Variants in KIAA1755 observed in about 807,000 individuals in gnomAD.
The protein encoded by KIAA1755 is KIAA1755.
KIAA1755 carries 68 observed loss-of-function variants against 91.7 expected under a neutral mutation model. That is an observed-to-expected ratio of 0.74 (90% CI 0.61 to 0.91). The LOEUF (loss-of-function observed/expected upper bound fraction) is 0.91. Among genes scored for constraint, KIAA1755 ranks in the 40% least tolerant of loss-of-function variants. The pLI, the probability that KIAA1755 is intolerant of heterozygous loss-of-function variation, is 0.00. For synonymous variants in KIAA1755, 610 were observed against 604.6 expected (o/e 1.01, Z -0.13); for missense variants, 1,535 against 1,494.4 (o/e 1.03, Z -0.45).
intron 4 of KIAA1755, among the ~76,000 whole-genome samples, chr20:38,238,058 T>C (rs569047753): frequency 6.6e-6 from 1 of 152,174 alleles, no homozygotes; most frequent in South Asian, 2.1e-4. Context: ...TATCTGTCTA[T>C]TCTCCTCCTC....
chr20:38,258,625 C>T (rs973419323), intron 1 of KIAA1755, among the ~76,000 whole-genome samples: 10 of 152,002 alleles, frequency 6.6e-5, no homozygotes, highest in East Asian at 3.9e-4. Context: ...GAAGATTTAC[C>T]GGGTAAATAA....
rs574598676 is a variant in KIAA1755 at position 38,241,550 on chromosome 20, A to T, written c.581T>A (p.Val194Glu). 6.2e-7 allele frequency: 1 copy of T among 1,614,174 alleles called. No individual in the cohort carries two copies. Among genetic ancestry groups the T allele is most frequent in the African/African-American group, 1.3e-5 (1 of 75,036 alleles). ...PEFVDDRPQVVNALCQAWGPL... is the reference protein window; with the variant it reads ...PEFVDDRPQVENALCQAWGPL... ...CCCCCAGGCTTGGCAGAGGGCATTCACTACTTGGGGTCTGTCATCCACAAA... is the reference window on the plus strand; with the variant it reads ...CCCCCAGGCTTGGCAGAGGGCATTCTCTACTTGGGGTCTGTCATCCACAAA... The change falls in exon 3 of 14, where the codon GTG becomes GAG. Residue 194 changes from valine to glutamate, a missense_variant. Physicochemically the swap from Val to Glu is moderately radical, Grantham distance 121. Transcript: ENST00000279024.
In KIAA1755 at chr20:38,245,405, G is replaced by A. The variant is rs117552268; in HGVS notation, c.201+524C>T. Among the ~76,000 whole-genome samples the A allele has an allele frequency of 5.3e-3, 801 of 152,336 alleles. 12 individuals are homozygous for A. In the East Asian group the frequency reaches 0.061, roughly 12 times the overall value. On this transcript the variant is annotated intron_variant, in intron 2 of 13. Transcript: ENST00000279024. ...GGCCTGATCCACCCTTCCCTGGTTTGAGTGAGGATTCTGTCATTTGCAGCC... is the reference window on the plus strand; with the variant it reads ...GGCCTGATCCACCCTTCCCTGGTTTAAGTGAGGATTCTGTCATTTGCAGCC...
intron 4 of KIAA1755, 39 bp from the exon 5 acceptor site, chr20:38,231,364 T>C (rs1287664044): frequency 6.4e-7 from 1 of 1,569,596 alleles, no homozygotes; most frequent in Admixed American, 1.9e-5. Flanking sequence ...TGAGAACTTG[T>C]GGGGGGCCCT....
Position 38,213,003 on chromosome 20 carries a change from G to C in KIAA1755, c.*39C>G. On this transcript the variant is annotated 3_prime_UTR_variant, in exon 14 of 14. Coordinates refer to ENST00000279024, the MANE Select transcript of KIAA1755 (RefSeq NM_001029864.2). ...ACCCCTCCAGCTGGGCCCTGGCCCAGTGCTCCTGGAGGCTGGTGCGACTGA... is the reference window on the plus strand; with the variant it reads ...ACCCCTCCAGCTGGGCCCTGGCCCACTGCTCCTGGAGGCTGGTGCGACTGA... The C allele has an allele frequency of 6.7e-7, 1 of 1,490,948 alleles. No homozygotes were observed. The highest frequency in any genetic ancestry group is 1.4e-5 in the South Asian group (1 of 73,924). The allele number at this position is 1,490,948 out of a possible 1,614,324, so 92.4% of individuals were successfully genotyped here. A position where few individuals can be genotyped will look rare whatever the true frequency, so the allele number is the denominator to read the frequency against.
At position 38,213,146 on chromosome 20, in the gene KIAA1755, T is replaced by C; in HGVS notation, c.3499A>G (p.Ser1167Gly). Residue 1167 changes from serine to glycine, a missense_variant, in exon 14 of 14, where the codon AGC becomes GGC. Coordinates refer to ENST00000279024, the MANE Select transcript of KIAA1755 (RefSeq NM_001029864.2). The stretch of plus-strand genomic sequence containing the variant: ...CCCCCAGTGAGGCGAGGGACCTGGC[T>C]CTGCCTGGGGGGCTGCTGCCGGAAG... The part of the protein sequence containing the change: ...TFFRQQPPRQ[S>G]QVPRLTGGSF... The C allele has an allele frequency of 6.2e-7, 1 of 1,613,314 alleles. No homozygotes were observed. The highest frequency in any genetic ancestry group is 2.2e-5 in the East Asian group (1 of 44,878).
At chr20:38,231,119 T>C in intron 5 of KIAA1755, 83 bp downstream of exon 5, 3 of 1,410,200 alleles carry the variant, frequency 2.1e-6, no homozygotes, top group Non-Finnish European at 2.9e-6. Context: ...ATATGGTGCC[T>C]CTCCACTCAG....
chr20:38,252,698 C>T (rs1020093196), intron 1 of KIAA1755, among the ~76,000 whole-genome samples: 5 of 152,186 alleles, frequency 3.3e-5, no homozygotes, highest in African/African-American at 1.2e-4. Flanking sequence ...GCTCAGAGAC[C>T]GGGACACCCT....
rs1036318305 is a variant in KIAA1755 at position 38,247,037 on chromosome 20, G to A, written c.4-911C>T. Among the ~76,000 whole-genome samples, 11 of 151,972 alleles carry A rather than the reference G, an allele frequency of 7.2e-5. 1 individual carries two copies. The highest frequency in any genetic ancestry group is 5.2e-4 in the Admixed American group (8 of 15,266). ...AAGGGATCCAGAAGGCAGTCAGCCC[G>A]TCCCCCTGGCAGTCAGAGTCCAGAA... On this transcript the variant is annotated intron_variant, in intron 1 of 13. Transcript: ENST00000279024.
chr20:38,243,385 G>T (rs544188586), intron 2 of KIAA1755, among the ~76,000 whole-genome samples: 13 of 152,114 alleles, frequency 8.5e-5, no homozygotes, highest in Non-Finnish European at 1.8e-4. Flanking sequence ...AGGTTTTCTC[G>T]ACCCTTTTCA....
intron 5 of KIAA1755, among the ~76,000 whole-genome samples, 162 bp downstream of exon 5, chr20:38,231,040 G>A (rs995921704): frequency 4.6e-5 from 7 of 152,198 alleles, no homozygotes; most frequent in African/African-American, 1.7e-4. Flanking sequence ...GGCAGGGACT[G>A]AGGCTGTTTT....
At position 38,241,361 on chromosome 20, in the gene KIAA1755, C is replaced by A. The variant is rs1414196088; in HGVS notation, c.770G>T (p.Gly257Val). 6.2e-7 allele frequency: 1 copy of A among 1,614,194 alleles called. No homozygotes were observed. The highest frequency in any genetic ancestry group is 2.2e-5 in the East Asian group (1 of 44,880). Residue 257 changes from glycine to valine, a missense_variant, in exon 3 of 14, where the codon GGG becomes GTG. By Grantham distance (109) the Gly-to-Val change is moderately radical. Transcript: ENST00000279024. ...CTCGTCCATCCTGAAAGCCACCTCC[C>A]CACACCGGGCTTGCTCCACCTTGAT... ...GLIKVEQARC[G>V]EVAFRMDEVV...
chr20:38,225,846 G>C, intron 7 of KIAA1755, 65 bp from the exon 8 acceptor site: 1 of 932,676 alleles, frequency 1.1e-6, no homozygotes, highest in South Asian at 1.8e-5. Flanking sequence ...AGAAGGTCCT[G>C]CCCAGATCCC....
At chr20:38,235,170 A>T (rs2075938781) in intron 4 of KIAA1755, among the ~76,000 whole-genome samples, 1 of 152,212 alleles carries the variant, frequency 6.6e-6, no homozygotes, top group Non-Finnish European at 1.5e-5. Flanking sequence ...TTTAAAATGT[A>T]TAGAAATTTT....
chr20:38,257,329 C>T (rs763409211), intron 1 of KIAA1755, among the ~76,000 whole-genome samples: 22 of 152,170 alleles, frequency 1.4e-4, no homozygotes, highest in Non-Finnish European at 2.1e-4. Flanking sequence ...GCCTGTAAAC[C>T]GAGCACTTTG....
intron 5 of KIAA1755, among the ~76,000 whole-genome samples, chr20:38,229,937 AT>A (rs1033800572): frequency 1.3e-5 from 2 of 152,170 alleles, no homozygotes; most frequent in Admixed American, 6.5e-5. Flanking sequence ...AAGAAAAAAA[AT>A]GTTAGTGACC....
In KIAA1755 at chr20:38,241,411, T is replaced by C. The variant is rs892223282; in HGVS notation, c.720A>G (p.Thr240=). The C allele has an allele frequency of 1.2e-6, 2 of 1,614,222 alleles. No individual in the cohort carries two copies. Among genetic ancestry groups the C allele is most frequent in the Non-Finnish European group, 8.5e-7 (1 of 1,180,030 alleles). ...TGAGTCCTGGATACTTGCTCCCATATGTCCTGCCCTTACCCTTGGCCAAAC... is the reference window on the plus strand; with the variant it reads ...TGAGTCCTGGATACTTGCTCCCATACGTCCTGCCCTTACCCTTGGCCAAAC... ...AQSLAKGKGR[T]YGSKYPGLIK... The change falls in exon 3 of 14, where the codon ACA becomes ACG. Residue 240 remains threonine (T), a synonymous_variant. Transcript: ENST00000279024.
chr20:38,216,866 C>G (rs1314952889), intron 13 of KIAA1755: 1 of 489,012 alleles, frequency 2.0e-6, no homozygotes, highest in Admixed American at 2.3e-5. Flanking sequence ...TCACCATGGT[C>G]AAGCCTGCTT....
Position 38,223,621 on chromosome 20 carries a change from G to C in KIAA1755, c.2185C>G (p.Leu729Val). 1 of 1,605,910 alleles carries C rather than the reference G, an allele frequency of 6.2e-7. No homozygotes were observed. Among genetic ancestry groups the C allele is most frequent in the Non-Finnish European group, 8.5e-7 (1 of 1,176,720 alleles). ...VHFFQKLDPFLADLHQASSLL... is the reference protein window; with the variant it reads ...VHFFQKLDPFVADLHQASSLL... ...GAAGAGGCCTGGTGGAGGTCAGCAAGGAAAGGGTCCAGCTTCTGCAGGACA... is the reference window on the plus strand; with the variant it reads ...GAAGAGGCCTGGTGGAGGTCAGCAACGAAAGGGTCCAGCTTCTGCAGGACA... Residue 729 changes from leucine to valine, a missense_variant, in exon 9 of 14, where the codon CTT becomes GTT. Leu to Val is a conservative substitution (Grantham distance 32). Transcript: ENST00000279024.
Sources: allele counts gnomAD v4.1 joint callset (sites outside exome capture counted in the v4.1 genomes callset), GRCh38; gene constraint gnomAD v4.1.1; transcripts MANE v1.5; gene names NCBI Gene and HGNC (gene_info 2026-07-23, HGNC 2026-07-21).